Variants in F5 observed in about 807,000 individuals in gnomAD.
F5 encodes coagulation factor V.
A neutral mutation model predicts 216.4 loss-of-function variants in F5; 138 were observed. That is an observed-to-expected ratio of 0.64 (90% CI 0.56 to 0.73). The LOEUF (loss-of-function observed/expected upper bound fraction) is 0.73. Ranked by LOEUF, F5 falls within the 30% of genes least tolerant of loss-of-function variation. The probability of loss-of-function intolerance (pLI) is 0.00; values close to 1 mark genes in which losing one functional copy is unlikely to be tolerated. For synonymous variants in F5, 916 were observed against 930.7 expected (o/e 0.98, Z 0.29); for missense variants, 2,403 against 2,674.0 (o/e 0.90, Z 2.24).
In F5 at chr1:169,541,810, T is replaced by G. The variant is rs746520542; in HGVS notation, c.3280A>C (p.Ile1094Leu). The G allele has an allele frequency of 2.5e-6, 4 of 1,614,118 alleles. No individual in the cohort carries two copies. The highest frequency in any genetic ancestry group is 3.4e-6 in the Non-Finnish European group (4 of 1,180,002). Reference protein sequence around the residue: ...QTLPSMDFGWIASLPDHNQNS... With the variant: ...QTLPSMDFGWLASLPDHNQNS... Reference sequence around the variant, plus strand: ...TGATTATGGTCAGGAAGTGAGGCTATCCAGCCAAAATCCATAGAGGGCAAT... The same window carrying G: ...TGATTATGGTCAGGAAGTGAGGCTAGCCAGCCAAAATCCATAGAGGGCAAT... Residue 1094 changes from isoleucine (I) to leucine (L), a missense_variant, in exon 13 of 25, where the codon ATA becomes CTA. Ile to Leu is a conservative substitution (Grantham distance 5). Transcript: ENST00000367797.
In F5 at chr1:169,550,038, T is replaced by C. The variant is rs200086812; in HGVS notation, c.1397-23A>G. 20 of 1,577,868 alleles carry C rather than the reference T, an allele frequency of 1.3e-5. No homozygotes were observed. In the East Asian group the frequency reaches 4.5e-4, roughly 35 times the overall value. On this transcript the variant is annotated intron_variant, in intron 9 of 24. Transcript: ENST00000367797. ...TGCCTGAAAGAAAATATATTCAAAA[T>C]TGTTTTCATTTGCAAAGTTATTTCA... is the stretch of plus-strand genomic sequence containing the variant.
At chr1:169,518,978 C>T (rs931329634) in intron 22 of F5, among the ~76,000 whole-genome samples, 2 of 152,162 alleles carry the variant, frequency 1.3e-5, no homozygotes, top group African/African-American at 4.8e-5. Flanking sequence ...TTTCTTCTAA[C>T]AAAAGCTACC....
At chr1:169,578,731 A>G (rs983540207) in intron 2 of F5, among the ~76,000 whole-genome samples, 2 of 152,186 alleles carry the variant, frequency 1.3e-5, no homozygotes, top group Non-Finnish European at 2.9e-5. Flanking sequence ...TCTGTGATAT[A>G]GGACAGGACA....
At chr1:169,574,216 A>C (rs948538444) in intron 2 of F5, among the ~76,000 whole-genome samples, 2 of 152,174 alleles carry the variant, frequency 1.3e-5, no homozygotes, top group Non-Finnish European at 2.9e-5. Context: ...GTGGATACCA[A>C]GGGATGACTG....
chr1:169,586,327 G>A lies in F5; in HGVS notation c.60C>T (p.Gly20=). The part of the protein sequence containing the change: ...VLVVLGTSWV[G]WGSQGTEAAQ... ...CCGCTTCTGTCCCTTGGCTCCCCCA[G>A]CCTACCCAGCTGGTGCCCAAGACCA... is the stretch of plus-strand genomic sequence containing the variant. The change falls in exon 1 of 25, where the codon GGC becomes GGT. Residue 20 remains glycine, a synonymous_variant. Coordinates refer to ENST00000367797, the MANE Select transcript of F5 (RefSeq NM_000130.5). 6.2e-7 allele frequency: 1 copy of A among 1,614,028 alleles called. No homozygotes were observed. The highest frequency in any genetic ancestry group is 1.1e-5 in the South Asian group (1 of 91,084).
chr1:169,559,335 T>C, intron 4 of F5, 39 bp from the exon 5 acceptor site: 1 of 1,609,984 alleles, frequency 6.2e-7, no homozygotes, highest in Non-Finnish European at 8.5e-7. Flanking sequence ...GCACTGCAGA[T>C]AGAAGACGCT....
chr1:169,523,771 AG>A, intron 20 of F5, 29 bp downstream of exon 20: 1 of 1,474,308 alleles, frequency 6.8e-7, no homozygotes, highest in Non-Finnish European at 9.5e-7. Context: ...TTACGATAGC[AG>A]TAAATATTAT....
At position 169,540,968 on chromosome 1, in the gene F5, G is replaced by C. The variant is rs201452520; in HGVS notation, c.4122C>G (p.Asn1374Lys). The C allele has an allele frequency of 2.5e-5, 40 of 1,595,586 alleles. No homozygotes were observed. In the East Asian group the frequency reaches 8.5e-4, roughly 34 times the overall value. Reference sequence around the variant, plus strand: ...TTGTCTGACTGAGTTCTGGAGAGAGGTTTGTCTGGCTGAGGTCTAGAGAAA... The same window carrying C: ...TTGTCTGACTGAGTTCTGGAGAGAGCTTTGTCTGGCTGAGGTCTAGAGAAA... ...TTLSLDLSQT[N>K]LSPELSQTNL... is the part of the protein sequence containing the mutation. Residue 1374 changes from asparagine (N) to lysine (K), a missense_variant, in exon 13 of 25, where the codon AAC becomes AAG. By Grantham distance (94) the Asn-to-Lys change is moderately conservative. Around this residue, in one of 4 missense-constraint regions of F5, gnomAD observed 293 missense variants for 270.8 expected, o/e 1.08. Transcript: ENST00000367797.
Position 169,530,984 on chromosome 1 carries a change from T to C in F5, c.5010A>G (p.Leu1670=). The change falls in exon 15 of 25, where the codon CTA becomes CTG. Residue 1670 remains leucine (L), a synonymous_variant. Coordinates refer to ENST00000367797, the MANE Select transcript of F5 (RefSeq NM_000130.5). ...FKNLASRPYS[L]HAHGLSYEKS... ...TTTCATAGGAAAGTCCATGGGCATGTAGAGAATACGGTCTGGATGCTAAAT... is the reference window on the plus strand; with the variant it reads ...TTTCATAGGAAAGTCCATGGGCATGCAGAGAATACGGTCTGGATGCTAAAT... 6.2e-7 allele frequency: 1 copy of C among 1,613,662 alleles called. No homozygotes were observed. Among genetic ancestry groups the C allele is most frequent in the Non-Finnish European group, 8.5e-7 (1 of 1,179,772 alleles).
rs1235160944 is a variant in F5 at position 169,529,773 on chromosome 1, G to A, written c.5254C>T (p.Gln1752Ter). 1 of 1,613,480 alleles carries A rather than the reference G, an allele frequency of 6.2e-7. No homozygotes were observed. The highest frequency in any genetic ancestry group is 8.5e-7 in the Non-Finnish European group (1 of 1,179,676). ...SGLIGPLLICQKGILHKDSNM... is the reference protein window; with the variant it reads ...SGLIGPLLIC ...CTGTCCTTATGTAGTATTCCTTTTT[G>A]GCAGATTAGGAGGGGACCTATCAAG... The change falls in exon 16 of 25, where the codon CAA (glutamine) becomes TAA (stop). Residue 1752 changes from glutamine to a stop codon, truncating the protein, a stop_gained. Transcript: ENST00000367797. LOFTEE classifies it high-confidence loss of function.
intron 18 of F5, 119 bp from the exon 19 acceptor site, chr1:169,525,027 G>A: frequency 1.3e-6 from 1 of 785,724 alleles, no homozygotes; most frequent in Non-Finnish European, 2.1e-6. Flanking sequence ...TACCTACCTT[G>A]TGTGGCCCTG....
chr1:169,575,490 T>C (rs1418202034), intron 2 of F5, among the ~76,000 whole-genome samples: 3 of 152,140 alleles, frequency 2.0e-5, no homozygotes, highest in African/African-American at 7.2e-5. Context: ...TCTCTGGCTG[T>C]ATTTGTGGAG....
chr1:169,540,403 C>G lies in F5; in HGVS notation c.4687G>C (p.Asp1563His), dbSNP rs772862441. Reference protein sequence around the residue: ...DVRTNINSSRDPDNIAAWYLR... With the variant: ...DVRTNINSSRHPDNIAAWYLR... ...TACCATGCTGCAATGTTGTCAGGAT[C>G]TCTGGAGGAGTTGATGTTTGTCCTA... is the stretch of plus-strand genomic sequence containing the variant. The change falls in exon 13 of 25, where the codon GAT (aspartate) becomes CAT (histidine). Residue 1563 changes from aspartate (D) to histidine (H), a missense_variant. Physicochemically the swap from Asp to His is moderately conservative, Grantham distance 81. Around this residue, in one of 4 missense-constraint regions of F5, gnomAD observed 293 missense variants for 270.8 expected, o/e 1.08. Transcript: ENST00000367797. 6.2e-7 allele frequency: 1 copy of G among 1,614,038 alleles called. No homozygotes were observed. The highest frequency in any genetic ancestry group is 1.1e-5 in the South Asian group (1 of 91,078).
At chr1:169,528,828 T>G (rs965189017) in intron 16 of F5, among the ~76,000 whole-genome samples, 2 of 152,208 alleles carry the variant, frequency 1.3e-5, no homozygotes, top group Admixed American at 6.5e-5. Flanking sequence ...AGGAAGTGCT[T>G]TGTTTCCTCC....
intron 9 of F5, among the ~76,000 whole-genome samples, chr1:169,550,291 C>G (rs1428588864): frequency 7.2e-5 from 5 of 69,122 alleles, no homozygotes; most frequent in Admixed American, 1.8e-4. Context: ...GCCCCCCACC[C>G]CCCCCCCCCG....
intron 6 of F5, among the ~76,000 whole-genome samples, chr1:169,555,969 T>C (rs968207766): frequency 7.2e-5 from 11 of 152,218 alleles, no homozygotes; most frequent in Admixed American, 3.3e-4. Flanking sequence ...TGATTTCCTA[T>C]TGTGATATCA....
At position 169,555,286 on chromosome 1, in the gene F5, T is replaced by G. The variant is rs1439527800; in HGVS notation, c.1014A>C (p.Lys338Asn). 1.2e-6 allele frequency: 2 copies of G among 1,614,004 alleles called. No homozygotes were observed. The highest frequency in any genetic ancestry group is 1.7e-6 in the Non-Finnish European group (2 of 1,180,020). ...NCPKKTRNLK[K>N]ITREQRRHMK... ...TGTGCCGCCTCTGCTCACGAGTTAT[T>G]TTCTTAAGATTCCTGGTTTTCTTTG... The change falls in exon 7 of 25, where the codon AAA becomes AAC. Residue 338 changes from lysine to asparagine, a missense_variant. Physicochemically the swap from Lys to Asn is moderately conservative, Grantham distance 94 (BLOSUM62 0). Coordinates refer to ENST00000367797, the MANE Select transcript of F5 (RefSeq NM_000130.5).
Position 169,541,994 on chromosome 1 carries a change from CT to C in F5, c.3095del (p.Lys1032ArgfsTer20). 1.2e-6 allele frequency: 2 copies of C among 1,613,944 alleles called. No individual in the cohort carries two copies. Among genetic ancestry groups the C allele is most frequent in the Non-Finnish European group, 1.7e-6 (2 of 1,179,966 alleles). On this transcript the variant is annotated frameshift_variant, in exon 13 of 25. Coordinates refer to ENST00000367797, the MANE Select transcript of F5 (RefSeq NM_000130.5). LOFTEE classifies it high-confidence loss of function. ...CATGGTGTGTGTGCTTCTCTTTTTT[CT>C]TTTTTCGTGTCTTAATGAGAAACTG... ...KSQFLIKTRK[K>X]KKEKHTHHAP...
rs1333622077 is a variant in F5 at position 169,541,104 on chromosome 1, G to A, written c.3986C>T (p.Thr1329Ile). The change falls in exon 13 of 25, where the codon ACC becomes ATC. Residue 1329 changes from threonine (T) to isoleucine (I), a missense_variant. Coordinates refer to ENST00000367797, the MANE Select transcript of F5 (RefSeq NM_000130.5). ...TGTCTGGCTGAAGTCTAGAGAAAGGGTTGTATGGCTGAGGTCTGGAGAAAT... is the reference window on the plus strand; with the variant it reads ...TGTCTGGCTGAAGTCTAGAGAAAGGATTGTATGGCTGAGGTCTGGAGAAAT... ...MPISPDLSHT[T>I]LSLDFSQTNL... is the part of the protein sequence containing the mutation. 6.3e-7 allele frequency: 1 copy of A among 1,587,590 alleles called. No homozygotes were observed. The highest frequency in any genetic ancestry group is 8.6e-7 in the Non-Finnish European group (1 of 1,166,064).
Sources: allele counts gnomAD v4.1 joint callset (sites outside exome capture counted in the v4.1 genomes callset), GRCh38; gene constraint gnomAD v4.1.1; regional missense constraint gnomAD v4.1.1; transcripts MANE v1.5; gene names NCBI Gene and HGNC (gene_info 2026-07-23, HGNC 2026-07-21).